Variants in APMAP observed in about 807,000 individuals in gnomAD.
APMAP encodes adipocyte plasma membrane associated protein, also known as adipocyte plasma membrane-associated protein.
Under a neutral mutation model 43.6 loss-of-function variants are expected in APMAP, and 33 were observed. That is an observed-to-expected ratio of 0.76 (90% CI 0.57 to 1.01). The LOEUF is 1.01. APMAP is among the 50% of genes least tolerant of loss of function. APMAP has a pLI of 0.00. For missense variants in APMAP, 498 were observed against 540.7 expected, an observed-to-expected ratio of 0.92 and a Z score of 0.78; for synonymous variants, 224 against 216.7, an observed-to-expected ratio of 1.03 and a Z score of -0.30.
At chr20:24,974,464 G>A (rs2088033838) in intron 3 of APMAP, among the ~76,000 whole-genome samples, 1 of 152,120 alleles carries the variant, frequency 6.6e-6, no homozygotes, top group Non-Finnish European at 1.5e-5. Context: ...ATAGAAAACA[G>A]TAACAAATAC....
At position 24,978,886 on chromosome 20, in the gene APMAP, C is replaced by A; in HGVS notation, c.213-4G>T. ...CAAGAGCGGGGGTTCTTTGAAGCTG[C>A]AAAATAATGCAATTCCAGAGATCTG... On this transcript the variant is annotated splice_region_variant and splice_polypyrimidine_tract_variant and intron_variant, in intron 2 of 8. Coordinates refer to ENST00000217456, the MANE Select transcript of APMAP (RefSeq NM_020531.3). 6 of 1,599,846 alleles carry A rather than the reference C, an allele frequency of 3.8e-6. No homozygotes were observed. Among genetic ancestry groups the A allele is most frequent in the Non-Finnish European group, 5.1e-6 (6 of 1,167,236 alleles).
intron 8 of APMAP, among the ~76,000 whole-genome samples, chr20:24,967,869 T>C (rs1463998817): frequency 9.9e-5 from 15 of 152,114 alleles, no homozygotes; most frequent in Admixed American, 9.8e-4. Flanking sequence ...GAAGGACAGA[T>C]TTCTCAACAG....
Position 24,963,514 on chromosome 20 carries a change from A to C in APMAP, c.*299T>G. ...CTGTTCCAAGTGCAAGGAGCTTCCC[A>C]AATCCTAGAGAATGACTGTACTTAG... On this transcript the variant is annotated 3_prime_UTR_variant, in exon 9 of 9. Coordinates refer to ENST00000217456, the MANE Select transcript of APMAP (RefSeq NM_020531.3). 2.5e-6 allele frequency: 1 copy of C among 393,136 alleles called. No individual in the cohort carries two copies. Among genetic ancestry groups the C allele is most frequent in the Non-Finnish European group, 4.7e-6 (1 of 211,484 alleles). The allele number at this position is 393,136 out of a possible 1,614,324, so 24.4% of individuals were successfully genotyped here.
At chr20:24,986,400 C>A (rs114548955) in intron 1 of APMAP, among the ~76,000 whole-genome samples, 1 of 152,164 alleles carries the variant, frequency 6.6e-6, no homozygotes, top group African/African-American at 2.4e-5. Context: ...GGGAGCCCAG[C>A]TCCTGGAAGA....
chr20:24,982,842 C>G lies in APMAP; in HGVS notation c.212+1061G>C. ...CAACACATCAGGGGACCCCCCCCCG[C>G]CACCCACCCCTGACGCCCCTCCTTT... is the stretch of plus-strand genomic sequence containing the variant. On this transcript the variant is annotated intron_variant, in intron 2 of 8. Coordinates refer to ENST00000217456, the MANE Select transcript of APMAP (RefSeq NM_020531.3). Among the ~76,000 whole-genome samples, 2 of 151,602 alleles carry G rather than the reference C, an allele frequency of 1.3e-5. 1 individual carries two copies. Among genetic ancestry groups the G allele is most frequent in the African/African-American group, 4.9e-5 (2 of 41,154 alleles).
intron 3 of APMAP, among the ~76,000 whole-genome samples, chr20:24,977,621 AAG>A (rs2088061485): frequency 6.6e-6 from 1 of 152,288 alleles, no homozygotes; most frequent in East Asian, 1.9e-4. Context: ...TCATCAAAGA[AAG>A]AGAAAAAGCT....
intron 2 of APMAP, among the ~76,000 whole-genome samples, chr20:24,979,448 G>A (rs1177416507): frequency 6.6e-6 from 1 of 152,152 alleles, no homozygotes; most frequent in Non-Finnish European, 1.5e-5. Flanking sequence ...GCTGGGCCCT[G>A]GAGCCCTTCT....
chr20:24,971,048 G>C (rs939131976), intron 5 of APMAP, among the ~76,000 whole-genome samples: 2 of 152,142 alleles, frequency 1.3e-5, no homozygotes, highest in African/African-American at 4.8e-5. Flanking sequence ...TGAGCAATCA[G>C]GGGAGAGAAG....
intron 3 of APMAP, chr20:24,974,355 A>G (rs893417972): frequency 6.6e-6 from 1 of 152,142 alleles, no homozygotes; most frequent in African/African-American, 2.4e-5. Flanking sequence ...ATGCTAAGAA[A>G]GGAGAGAAAA....
chr20:24,973,618 C>T (rs1361342624), intron 4 of APMAP, 27 bp downstream of exon 4: 3 of 1,588,540 alleles, frequency 1.9e-6, no homozygotes, highest in Admixed American at 1.7e-5. Context: ...CTGGAAGAGA[C>T]ACATCGAGGG....
At chr20:24,970,024 G>T (rs1341813010) in intron 6 of APMAP, among the ~76,000 whole-genome samples, 173 bp downstream of exon 6, 1 of 152,214 alleles carries the variant, frequency 6.6e-6, no homozygotes, top group African/African-American at 2.4e-5. Flanking sequence ...AAAGCACCTT[G>T]TTCCATTTTG....
At position 24,982,831 on chromosome 20, in the gene APMAP, AC is replaced by A. The variant is rs3086643; in HGVS notation, c.212+1071del. Among the ~76,000 whole-genome samples, 217 of 141,960 alleles carry A rather than the reference AC, an allele frequency of 1.5e-3. 2 individuals are homozygous for A. The highest frequency in any genetic ancestry group is 1.0e-3 in the East Asian group (5 of 4,824). The allele number at this position is 141,960 out of a possible 152,430, so 93.1% of individuals were successfully genotyped here. On this transcript the variant is annotated intron_variant, in intron 2 of 8. Transcript: ENST00000217456. ...AGCCCCTCCCTCAACACATCAGGGGACCCCCCCCCGCCACCCACCCCTGACG... is the reference window on the plus strand; with the variant it reads ...AGCCCCTCCCTCAACACATCAGGGGACCCCCCCCGCCACCCACCCCTGACG...
chr20:24,970,420 C>A, intron 5 of APMAP, 49 bp from the exon 6 acceptor site: 1 of 1,516,910 alleles, frequency 6.6e-7, no homozygotes, highest in South Asian at 1.2e-5. Flanking sequence ...AGGAACTTCT[C>A]AATAATTGCA....
intron 6 of APMAP, 110 bp downstream of exon 6, chr20:24,970,087 A>T: frequency 1.5e-6 from 2 of 1,370,504 alleles, no homozygotes; most frequent in Non-Finnish European, 2.0e-6. Flanking sequence ...CTAGAAGCTG[A>T]AATATGATGC....
intron 8 of APMAP, among the ~76,000 whole-genome samples, chr20:24,966,581 A>G (rs2087945550): frequency 6.6e-6 from 1 of 152,184 alleles, no homozygotes. Context: ...AAATATGAAA[A>G]ACAAACCCTA....
At chr20:24,989,441 G>C (rs1272454804) in intron 1 of APMAP, among the ~76,000 whole-genome samples, 1 of 152,160 alleles carries the variant, frequency 6.6e-6, no homozygotes, top group Non-Finnish European at 1.5e-5. Context: ...GGCAGATTTT[G>C]AAGGGTATCC....
intron 2 of APMAP, among the ~76,000 whole-genome samples, chr20:24,979,439 C>G (rs559252808): frequency 1.4e-4 from 22 of 152,326 alleles, no homozygotes; most frequent in African/African-American, 5.3e-4. Context: ...GGAGCCTGAG[C>G]TGGGCCCTGG....
chr20:24,976,220 ACT>A (rs2088049168), intron 3 of APMAP, among the ~76,000 whole-genome samples: 1 of 152,254 alleles, frequency 6.6e-6, no homozygotes, highest in East Asian at 1.9e-4. Context: ...AAAATTAAAA[ACT>A]CTTGCTCTAC....
chr20:24,973,998 G>A (rs112102465), intron 3 of APMAP, among the ~76,000 whole-genome samples: 170 of 152,330 alleles, frequency 1.1e-3, no homozygotes, highest in Admixed American at 2.0e-3. Flanking sequence ...ACCAGTCAGT[G>A]ATGAGAACTG....
Sources: gnomAD v4.1 joint callset for allele counts (sites outside exome capture counted in the v4.1 genomes callset) on GRCh38, gnomAD v4.1.1 for gene constraint, MANE v1.5 for transcripts, NCBI Gene and HGNC (gene_info 2026-07-23, HGNC 2026-07-21) for gene names.